The following CTNNA3 variants were observed in gnomAD, a reference collection of about 807,000 sequenced individuals.
CTNNA3 encodes catenin alpha 3.
CTNNA3 carries 76 observed loss-of-function variants against 95.7 expected under a neutral mutation model. The observed-to-expected ratio is 0.79, with a 90% CI of 0.66 to 0.96. The LOEUF is 0.96. Among genes scored for constraint, CTNNA3 ranks in the 40% least tolerant of loss-of-function variants. CTNNA3 has a pLI of 0.00. For missense variants in CTNNA3, 1,191 were observed against 1,089.8 expected (o/e 1.09, Z -1.31); for synonymous variants, 431 against 374.4 (o/e 1.15, Z -1.74).
chr10:66,922,684 G>C (rs1846852928), intron 7 of CTNNA3, among the ~76,000 whole-genome samples: 1 of 151,978 alleles, frequency 6.6e-6, no homozygotes, highest in Admixed American at 6.6e-5. Flanking sequence ...AGAGATTGAT[G>C]GTCAGTATTT....
intron 7 of CTNNA3, among the ~76,000 whole-genome samples, chr10:66,825,266 T>C (rs908357553): frequency 6.9e-6 from 1 of 144,140 alleles, no homozygotes; most frequent in African/African-American, 2.5e-5. Flanking sequence ...AAAATGTATA[T>C]ATACATATAT....
chr10:67,196,929 A>G (rs1045359332), intron 6 of CTNNA3, among the ~76,000 whole-genome samples: 1 of 152,100 alleles, frequency 6.6e-6, no homozygotes, highest in Admixed American at 6.6e-5. Flanking sequence ...TTTGTGTTTT[A>G]CATGGTCTGT....
At position 66,914,699 on chromosome 10, in the gene CTNNA3, G is replaced by C. The variant is rs565762089; in HGVS notation, c.1048-139175C>G. Among the ~76,000 whole-genome samples, 4 of 152,252 alleles carry C rather than the reference G, an allele frequency of 2.6e-5. No homozygotes were observed. The South Asian group carries it at 8.3e-4, about 32-fold the overall frequency. ...ATCACCTAAATTAGGATGGGAGTTG[G>C]GGGATCAGCAAACTGTTTCTGTAAA... On this transcript the variant is annotated intron_variant, in intron 7 of 17. Coordinates refer to ENST00000433211, the MANE Select transcript of CTNNA3 (RefSeq NM_013266.4).
At chr10:67,135,958 CT>C (rs1343268822) in intron 7 of CTNNA3, among the ~76,000 whole-genome samples, 3 of 152,124 alleles carry the variant, frequency 2.0e-5, no homozygotes, top group Non-Finnish European at 4.4e-5. Flanking sequence ...TCATGAATGC[CT>C]CTTTTAAAGT....
At chr10:66,874,052 G>C (rs1027821302) in intron 7 of CTNNA3, among the ~76,000 whole-genome samples, 2 of 152,038 alleles carry the variant, frequency 1.3e-5, no homozygotes, top group African/African-American at 4.8e-5. Context: ...GTTTGGGTGG[G>C]AGCCTCCTAG....
At chr10:66,891,144 G>A (rs969451616) in intron 7 of CTNNA3, among the ~76,000 whole-genome samples, 1 of 152,100 alleles carries the variant, frequency 6.6e-6, no homozygotes, top group Non-Finnish European at 1.5e-5. Context: ...ACTGTAATCA[G>A]TATTTCTATT....
chr10:67,007,256 C>T (rs967266363), intron 7 of CTNNA3, among the ~76,000 whole-genome samples: 3 of 152,142 alleles, frequency 2.0e-5, no homozygotes, highest in Admixed American at 6.5e-5. Flanking sequence ...TAGACTGTGA[C>T]TCACCATGTA....
chr10:65,969,882 G>T (rs2078058728), intron 16 of CTNNA3, among the ~76,000 whole-genome samples: 1 of 152,034 alleles, frequency 6.6e-6, no homozygotes, highest in Admixed American at 6.6e-5. Flanking sequence ...TTCAAATTTT[G>T]CTAGAGAGGT....
At chr10:67,392,379 T>C (rs997946824) in intron 5 of CTNNA3, among the ~76,000 whole-genome samples, 2 of 152,264 alleles carry the variant, frequency 1.3e-5, no homozygotes, top group Non-Finnish European at 1.5e-5. Context: ...CCAGTTAGAA[T>C]GGCGATCATT....
intron 9 of CTNNA3, among the ~76,000 whole-genome samples, chr10:66,763,758 A>T (rs1234033508): frequency 1.3e-5 from 2 of 152,200 alleles, no homozygotes; most frequent in Non-Finnish European, 2.9e-5. Flanking sequence ...CCCAACCACC[A>T]TGCTGTGAAA....
chr10:67,593,532 T>C (rs946864917), intron 3 of CTNNA3, among the ~76,000 whole-genome samples: 5 of 152,108 alleles, frequency 3.3e-5, no homozygotes, highest in Non-Finnish European at 5.9e-5. Flanking sequence ...TGTGAATGGA[T>C]TGTATTCTTG....
intron 3 of CTNNA3, among the ~76,000 whole-genome samples, chr10:67,599,287 A>G (rs1843011294): frequency 6.6e-6 from 1 of 152,278 alleles, no homozygotes; most frequent in Middle Eastern, 3.4e-3. Flanking sequence ...TTCCATCTCT[A>G]CCATTTCACC....
At chr10:67,486,375 C>T (rs1208505888) in intron 5 of CTNNA3, among the ~76,000 whole-genome samples, 2 of 152,150 alleles carry the variant, frequency 1.3e-5, no homozygotes, top group African/African-American at 4.8e-5. Flanking sequence ...GTACTCAATT[C>T]CAATAGATCT....
chr10:66,337,285 A>G (rs1239781729), intron 12 of CTNNA3, among the ~76,000 whole-genome samples: 1 of 152,140 alleles, frequency 6.6e-6, no homozygotes, highest in Non-Finnish European at 1.5e-5. Context: ...AAGAGTGTAA[A>G]GGAGTCCTGA....
At chr10:66,999,371 A>T (rs1851551032) in intron 7 of CTNNA3, among the ~76,000 whole-genome samples, 1 of 152,122 alleles carries the variant, frequency 6.6e-6, no homozygotes, top group East Asian at 1.9e-4. Flanking sequence ...AAAACTTGGG[A>T]TTCCTGAAAA....
chr10:67,103,832 CA>C (rs770782454), intron 7 of CTNNA3, among the ~76,000 whole-genome samples: 6 of 151,150 alleles, frequency 4.0e-5, no homozygotes, highest in Non-Finnish European at 8.9e-5. Context: ...TGCCTATTTC[CA>C]AATAGAAAAA....
At chr10:66,163,167 TC>T (rs2084938155) in intron 13 of CTNNA3, among the ~76,000 whole-genome samples, 2 of 152,038 alleles carry the variant, frequency 1.3e-5, no homozygotes, top group Non-Finnish European at 2.9e-5. Context: ...GCTTGGTTAT[TC>T]CCCCTCCTGT....
intron 17 of CTNNA3, among the ~76,000 whole-genome samples, chr10:65,946,005 G>T (rs1353758481): frequency 6.6e-6 from 1 of 152,084 alleles, no homozygotes; most frequent in Non-Finnish European, 1.5e-5. Flanking sequence ...ATGCCCCTCT[G>T]CTGGGCAACT....
intron 12 of CTNNA3, among the ~76,000 whole-genome samples, chr10:66,298,392 C>G (rs1392896435): frequency 6.6e-6 from 1 of 151,996 alleles, no homozygotes; most frequent in Non-Finnish European, 1.5e-5. Flanking sequence ...AAATAGCTGA[C>G]CCATTACTTA....
Sources: gnomAD v4.1 joint callset for allele counts (sites outside exome capture counted in the v4.1 genomes callset) on GRCh38, gnomAD v4.1.1 for gene constraint, MANE v1.5 for transcripts, NCBI Gene and HGNC (gene_info 2026-07-23, HGNC 2026-07-21) for gene names.